The following P2RX7 variants were observed in gnomAD, a reference collection of about 807,000 sequenced individuals.
P2RX7 encodes the protein purinergic receptor P2X 7.
In P2RX7, 62 loss-of-function variants were observed where a neutral mutation model predicts 71.6. The ratio of observed to expected loss-of-function variants is 0.87; its 90% CI spans 0.71 to 1.07. P2RX7 has a LOEUF of 1.07. Among genes scored for constraint, P2RX7 ranks in the 50% least tolerant of loss-of-function variants. The pLI is 0.00. For synonymous variants in P2RX7, 299 were observed against 283.3 expected (o/e 1.06, Z -0.56); for missense variants, 686 against 748.5 (o/e 0.92, Z 0.97).
At chr12:121,148,250 T>C (rs985761491) in intron 1 of P2RX7, among the ~76,000 whole-genome samples, 1 of 151,224 alleles carries the variant, frequency 6.6e-6, no homozygotes, top group South Asian at 2.1e-4. Flanking sequence ...AGTCTCACTC[T>C]GTCACCCAGG....
intron 5 of P2RX7, among the ~76,000 whole-genome samples, chr12:121,164,975 G>A (rs557051414): frequency 4.9e-4 from 75 of 152,144 alleles, no homozygotes; most frequent in African/African-American, 1.3e-3. Flanking sequence ...GGGATGTGCC[G>A]CACACTTTTA....
intron 11 of P2RX7, among the ~76,000 whole-genome samples, chr12:121,179,667 C>T (rs1275052515): frequency 2.0e-5 from 3 of 152,012 alleles, no homozygotes; most frequent in African/African-American, 7.3e-5. Flanking sequence ...CTTCATGGCC[C>T]AAGATGAGAT....
chr12:121,155,214 C>T (rs1878322388), intron 2 of P2RX7: 1 of 1,436,542 alleles, frequency 7.0e-7, no homozygotes, highest in Admixed American at 2.1e-5. Flanking sequence ...ATTTGATTCA[C>T]TCGCGCTTGA....
chr12:121,166,843 A>G (rs1334428978), intron 7 of P2RX7, among the ~76,000 whole-genome samples: 1 of 150,078 alleles, frequency 6.7e-6, no homozygotes, highest in Non-Finnish European at 1.5e-5. Context: ...GGAGTTCAAC[A>G]CCAGCCTGGC....
In P2RX7 at chr12:121,168,601, C is replaced by T. The variant is rs540485859; in HGVS notation, c.881+977C>T. ...GGTTTTCCATATACCAAGCACTCCC[C>T]GTCGCCATCCCTAAATCTCCCAACA... On this transcript the variant is annotated intron_variant, in intron 8 of 12. Transcript: ENST00000328963. Among the ~76,000 whole-genome samples the T allele has an allele frequency of 1.9e-4, 29 of 152,202 alleles. No homozygotes were observed. The South Asian group carries it at 2.7e-3, about 14-fold the overall frequency.
chr12:121,155,070 A>G (rs893280816), intron 2 of P2RX7, 117 bp downstream of exon 2: 13 of 1,508,796 alleles, frequency 8.6e-6, no homozygotes, highest in Admixed American at 8.4e-5. Context: ...CTATTTTAAA[A>G]GCTCTGTGAA....
At chr12:121,177,555 A>T in intron 11 of P2RX7, 109 bp downstream of exon 11, 3 of 1,084,224 alleles carry the variant, frequency 2.8e-6, no homozygotes, top group Non-Finnish European at 4.2e-6. Flanking sequence ...TGTAGTGGAT[A>T]CGTCGCTGGG....
At chr12:121,164,737 G>A (rs973400802) in intron 5 of P2RX7, among the ~76,000 whole-genome samples, 6 of 152,164 alleles carry the variant, frequency 3.9e-5, no homozygotes, top group East Asian at 3.9e-4. Flanking sequence ...ACCCAAGATC[G>A]CGCCACTGCA....
Position 121,188,013 on chromosome 12 carries a change from A to T in P2RX7, c.*3211A>T, listed in dbSNP as rs554843476. 25 of 152,242 alleles carry T rather than the reference A, an allele frequency of 1.6e-4. No homozygotes were observed. Among genetic ancestry groups the T allele is most frequent in the African/African-American group, 4.6e-4 (19 of 41,544 alleles). The allele number at this position is 152,242 out of a possible 1,614,324, so 9.4% of individuals were successfully genotyped here. On this transcript the variant is annotated 3_prime_UTR_variant, in exon 13 of 13. Coordinates refer to ENST00000328963, the MANE Select transcript of P2RX7 (RefSeq NM_002562.6). ...CCTTAATGTGACTGTTTTGATAATT[A>T]AAAAAAGGTATATAATTTATTTAAA...
intron 9 of P2RX7, among the ~76,000 whole-genome samples, chr12:121,176,729 G>GCAA: frequency 7.0e-6 from 1 of 143,698 alleles, no homozygotes; most frequent in African/African-American, 2.6e-5. Flanking sequence ...TCCAGCCTGG[G>GCAA]CAAGAGTGCG....
chr12:121,134,163 G>T (rs1873009615), intron 1 of P2RX7, among the ~76,000 whole-genome samples: 1 of 152,164 alleles, frequency 6.6e-6, no homozygotes, highest in Admixed American at 6.6e-5. Flanking sequence ...GAACATTTGT[G>T]TACAAGGTTT....
intron 11 of P2RX7, among the ~76,000 whole-genome samples, chr12:121,179,712 A>C (rs1040205019): frequency 6.6e-6 from 1 of 152,202 alleles, no homozygotes; most frequent in African/African-American, 2.4e-5. Context: ...TTTAAGTTGC[A>C]ATAGTACAAA....
intron 1 of P2RX7, among the ~76,000 whole-genome samples, chr12:121,145,034 C>T (rs1875831508): frequency 6.6e-6 from 1 of 152,110 alleles, no homozygotes; most frequent in Non-Finnish European, 1.5e-5. Context: ...TACGAATCTG[C>T]AGCTGAGATG....
chr12:121,136,214 A>G (rs1194144946), intron 1 of P2RX7, among the ~76,000 whole-genome samples: 1 of 150,970 alleles, frequency 6.6e-6, no homozygotes, highest in Non-Finnish European at 1.5e-5. Context: ...GGTAAAGAGC[A>G]TAATTAGTAA....
chr12:121,181,885 G>A (rs910736556), intron 12 of P2RX7, among the ~76,000 whole-genome samples: 14 of 151,684 alleles, frequency 9.2e-5, no homozygotes, highest in Non-Finnish European at 1.6e-4. Context: ...CCAACATGGC[G>A]AAACCCTGTC....
chr12:121,163,150 G>A (rs208296), intron 5 of P2RX7, among the ~76,000 whole-genome samples: 40,472 of 151,980 alleles, frequency 0.27, 5,813 homozygotes, highest in East Asian at 0.36. Flanking sequence ...TCAATTCCTA[G>A]CTCTAACACC....
At chr12:121,145,977 C>T (rs545633595) in intron 1 of P2RX7, among the ~76,000 whole-genome samples, 26 of 152,116 alleles carry the variant, frequency 1.7e-4, no homozygotes, top group Non-Finnish European at 3.7e-4. Flanking sequence ...TGAAAATTAT[C>T]ATCATCATCT....
chr12:121,132,975 C>G lies in P2RX7; in HGVS notation c.5C>G (p.Pro2Arg), dbSNP rs750693211. The G allele has an allele frequency of 1.2e-6, 2 of 1,613,512 alleles. No individual in the cohort carries two copies. The highest frequency in any genetic ancestry group is 4.5e-5 in the East Asian group (2 of 44,832). Residue 2 changes from proline (P) to arginine (R), a missense_variant, in exon 1 of 13, where the codon CCG becomes CGG. Pro to Arg is a moderately radical substitution (Grantham distance 103, BLOSUM62 -2). Transcript: ENST00000328963. M[P>R]ACCSCSDVFQ... The stretch of plus-strand genomic sequence containing the variant: ...GCAGGGAGGGAGGCTGTCACCATGC[C>G]GGCCTGCTGCAGCTGCAGTGATGTT...
At chr12:121,136,278 G>A (rs1479262879) in intron 1 of P2RX7, among the ~76,000 whole-genome samples, 2 of 151,424 alleles carry the variant, frequency 1.3e-5, no homozygotes, top group Middle Eastern at 3.4e-3. Flanking sequence ...CATGTAGCAG[G>A]TGATGGGACT....
Sources: gnomAD v4.1 joint callset for allele counts (sites outside exome capture counted in the v4.1 genomes callset) on GRCh38, gnomAD v4.1.1 for gene constraint, MANE v1.5 for transcripts, NCBI Gene and HGNC (gene_info 2026-07-23, HGNC 2026-07-21) for gene names.